The following NDUFS4 variants were observed in gnomAD, a reference collection of about 807,000 sequenced individuals.
The protein encoded by NDUFS4 is NADH:ubiquinone oxidoreductase subunit S4.
A neutral mutation model predicts 24.3 loss-of-function variants in NDUFS4; 28 were observed. The ratio of observed to expected loss-of-function variants is 1.15; its 90% CI spans 0.85 to 1.58. NDUFS4 has a LOEUF of 1.58. NDUFS4 is among the 40% of genes most tolerant of loss of function. The pLI is 0.00. For synonymous variants in NDUFS4, 93 were observed against 69.7 expected, an observed-to-expected ratio of 1.34 and a Z score of -1.67; for missense variants, 223 against 207.9, an observed-to-expected ratio of 1.07 and a Z score of -0.45.
intron 4 of NDUFS4, among the ~76,000 whole-genome samples, chr5:53,668,621 T>A (rs1752584321): frequency 6.7e-6 from 1 of 150,212 alleles, no homozygotes; most frequent in African/African-American, 2.5e-5. Flanking sequence ...AGCTAATTTT[T>A]TTTTTTTTTT....
chr5:53,666,652 C>T (rs1225292511), intron 4 of NDUFS4, among the ~76,000 whole-genome samples: 1 of 107,198 alleles, frequency 9.3e-6, no homozygotes, highest in Non-Finnish European at 2.1e-5. Context: ...ATATATTTCT[C>T]TGACTGGGCA....
Position 53,683,099 on chromosome 5 carries a change from CT to C in NDUFS4, c.425-16del, listed in dbSNP as rs1740726322. 2 of 1,500,382 alleles carry C rather than the reference CT, an allele frequency of 1.3e-6. No individual in the cohort carries two copies. Among genetic ancestry groups the C allele is most frequent in the Non-Finnish European group, 1.9e-6 (2 of 1,076,916 alleles). 92.9% of individuals were successfully genotyped at this position (1,500,382 alleles called of 1,614,324 possible). On this transcript the variant is annotated intron_variant, in intron 4 of 4. Coordinates refer to ENST00000296684, the MANE Select transcript of NDUFS4 (RefSeq NM_002495.4). ...TTTAATTCTGTTTCTGTGGATTTGT[CT>C]TTGTTTTTTCCTCCTAGGATGGAGC...
At chr5:53,637,531 A>C (rs569212982) in intron 2 of NDUFS4, among the ~76,000 whole-genome samples, 2 of 152,320 alleles carry the variant, frequency 1.3e-5, no homozygotes, top group African/African-American at 4.8e-5. Flanking sequence ...TGGATTCTAG[A>C]AGGATTATGC....
intron 2 of NDUFS4, among the ~76,000 whole-genome samples, chr5:53,606,558 T>G (rs1579864803): frequency 6.6e-6 from 1 of 152,196 alleles, no homozygotes; most frequent in East Asian, 1.9e-4. Context: ...GTAGAGACGG[T>G]TTCACCCTGT....
At chr5:53,570,717 T>C (rs539026879) in intron 1 of NDUFS4, among the ~76,000 whole-genome samples, 11 of 145,830 alleles carry the variant, frequency 7.5e-5, no homozygotes, top group Non-Finnish European at 1.3e-4. Context: ...AGAGTCTTGC[T>C]CTGTCACCCA....
rs138694529 is a variant in NDUFS4 at position 53,658,485 on chromosome 5, A to C, written c.351-66A>C. 1.1e-3 allele frequency: 1,208 copies of C among 1,070,998 alleles called. 8 individuals carry two copies. The African/African-American group carries it at 0.016, about 15-fold the overall frequency. 66.3% of individuals were successfully genotyped at this position (1,070,998 alleles called of 1,614,324 possible). ...GATTTTATAGTAGCTGTTTATTTTA[A>C]ATATTGATTTTGTTTCTCAGCTAAA... On this transcript the variant is annotated intron_variant, in intron 3 of 4. Coordinates refer to ENST00000296684, the MANE Select transcript of NDUFS4 (RefSeq NM_002495.4).
chr5:53,634,558 G>T (rs1001520408), intron 2 of NDUFS4, among the ~76,000 whole-genome samples: 8 of 152,052 alleles, frequency 5.3e-5, no homozygotes, highest in Non-Finnish European at 1.2e-4. Context: ...GATTGGTTCT[G>T]TTCTGTTCTG....
At chr5:53,582,296 A>G (rs889981342) in intron 1 of NDUFS4, among the ~76,000 whole-genome samples, 2 of 152,180 alleles carry the variant, frequency 1.3e-5, no homozygotes, top group Non-Finnish European at 2.9e-5. Context: ...AAAGATGAAT[A>G]AAAACAAGTA....
intron 1 of NDUFS4, among the ~76,000 whole-genome samples, chr5:53,577,455 A>G (rs1243169161): frequency 6.8e-6 from 1 of 147,788 alleles, no homozygotes; most frequent in Non-Finnish European, 1.5e-5. Flanking sequence ...ACAGGACCTT[A>G]TAACTAAAGA....
At chr5:53,612,741 C>T (rs1750735808) in intron 2 of NDUFS4, among the ~76,000 whole-genome samples, 1 of 152,036 alleles carries the variant, frequency 6.6e-6, no homozygotes, top group Admixed American at 6.6e-5. Flanking sequence ...GTAGCATGCT[C>T]AGCCGATGAG....
chr5:53,616,081 T>C (rs1750828916), intron 2 of NDUFS4, among the ~76,000 whole-genome samples: 2 of 151,932 alleles, frequency 1.3e-5, no homozygotes, highest in South Asian at 4.1e-4. Context: ...CCTAGGTTGC[T>C]CTGAGATTAG....
intron 1 of NDUFS4, among the ~76,000 whole-genome samples, chr5:53,564,413 T>C (rs993004028): frequency 1.1e-4 from 16 of 152,248 alleles, no homozygotes; most frequent in Non-Finnish European, 1.9e-4. Flanking sequence ...AAGCCAAAGT[T>C]TGAGAGCTTG....
intron 2 of NDUFS4, among the ~76,000 whole-genome samples, chr5:53,603,876 A>G (rs1337763583): frequency 1.3e-5 from 2 of 152,128 alleles, no homozygotes; most frequent in African/African-American, 2.4e-5. Context: ...ACTTGCTAGT[A>G]CTATCTAAAA....
intron 3 of NDUFS4, among the ~76,000 whole-genome samples, chr5:53,653,675 T>G (rs1443380469): frequency 1.3e-5 from 2 of 151,970 alleles, no homozygotes; most frequent in Non-Finnish European, 2.9e-5. Context: ...CCTCCCTCCA[T>G]AGAAGCCCCC....
intron 4 of NDUFS4, among the ~76,000 whole-genome samples, chr5:53,668,561 C>T (rs113009298): frequency 5.1e-4 from 78 of 151,578 alleles, no homozygotes; most frequent in African/African-American, 1.5e-3. Flanking sequence ...CAGGTTCAAG[C>T]GATTCTCCTG....
At chr5:53,635,348 C>CA (rs5867886) in intron 2 of NDUFS4, among the ~76,000 whole-genome samples, 26,031 of 136,248 alleles carry the variant, frequency 0.19, 2,871 homozygotes, top group Non-Finnish European at 0.27. Flanking sequence ...CCCATCTCTA[C>CA]AAAAAAAAAA....
chr5:53,661,285 A>C (rs1489930213), intron 4 of NDUFS4, among the ~76,000 whole-genome samples: 1 of 152,116 alleles, frequency 6.6e-6, no homozygotes, highest in African/African-American at 2.4e-5. Context: ...TGTTTTTGTC[A>C]GGTTTGTCAA....
chr5:53,613,368 T>C (rs923385116), intron 2 of NDUFS4, among the ~76,000 whole-genome samples: 2 of 152,058 alleles, frequency 1.3e-5, no homozygotes, highest in African/African-American at 4.8e-5. Context: ...CACTAAGTAG[T>C]ATTTCATTTT....
intron 4 of NDUFS4, among the ~76,000 whole-genome samples, chr5:53,680,073 A>T (rs1356461997): frequency 6.6e-6 from 1 of 152,220 alleles, no homozygotes; most frequent in Non-Finnish European, 1.5e-5. Context: ...ATGCAGTTTT[A>T]TTAATAAAGT....
Sources: gnomAD v4.1 joint callset for allele counts (sites outside exome capture counted in the v4.1 genomes callset) on GRCh38, gnomAD v4.1.1 for gene constraint, MANE v1.5 for transcripts, NCBI Gene and HGNC (gene_info 2026-07-23, HGNC 2026-07-21) for gene names.